The following SCD variants were observed in gnomAD, a reference collection of about 807,000 sequenced individuals.
SCD encodes stearoyl-CoA desaturase.
In SCD, 4 loss-of-function variants were observed where a neutral mutation model predicts 35.7. That is an observed-to-expected ratio of 0.11 (90% CI 0.06 to 0.26). The LOEUF (loss-of-function observed/expected upper bound fraction) is 0.26, where lower values mean the gene tolerates loss of function less well. Ranked by LOEUF, SCD falls within the 10% of genes least tolerant of loss-of-function variation. The probability of loss-of-function intolerance (pLI) is 1.00; values close to 1 mark genes in which losing one functional copy is unlikely to be tolerated. For synonymous variants in SCD, 150 were observed against 170.2 expected, an observed-to-expected ratio of 0.88 and a Z score of 0.92; for missense variants, 282 against 460.7, an observed-to-expected ratio of 0.61 and a Z score of 3.55.
intron 1 of SCD, among the ~76,000 whole-genome samples, chr10:100,347,800 G>C (rs1849815923): frequency 6.6e-6 from 1 of 152,124 alleles, no homozygotes; most frequent in South Asian, 2.1e-4. Flanking sequence ...GTGGGGATGT[G>C]AGTGCTTTAC....
chr10:100,358,118 G>C (rs1264309967), intron 5 of SCD, among the ~76,000 whole-genome samples: 1 of 152,130 alleles, frequency 6.6e-6, no homozygotes. Flanking sequence ...TCGGGGTTCA[G>C]CCTCCCAAGT....
At position 100,360,947 on chromosome 10, in the gene SCD, C is replaced by G; in HGVS notation, c.*14C>G. On this transcript the variant is annotated 3_prime_UTR_variant, in exon 6 of 6. Coordinates refer to ENST00000370355, the MANE Select transcript of SCD (RefSeq NM_005063.5). ...AAGAGTGGCTGAGTTTGGGGTCCCT[C>G]AGGTTCCTTTTTCAAAAACCAGCCA... The G allele has an allele frequency of 1.2e-6, 2 of 1,611,834 alleles. No individual in the cohort carries two copies. The highest frequency in any genetic ancestry group is 1.1e-5 in the South Asian group (1 of 90,944).
At chr10:100,348,023 C>T (rs747877971) in intron 1 of SCD, 41 bp from the exon 2 acceptor site, 5 of 1,594,416 alleles carry the variant, frequency 3.1e-6, no homozygotes, top group Middle Eastern at 1.7e-4. Flanking sequence ...GCTGCCTCCA[C>T]GTGTCTCTTC....
rs1194470986 is a variant in SCD at position 100,347,348 on chromosome 10, C to T, written c.-157C>T. ...CTTTAAATTCCCGGCTCGGGGACCT[C>T]CACGCACCGCGGCTAGCGCCGACAA... On this transcript the variant is annotated 5_prime_UTR_variant, in exon 1 of 6. Transcript: ENST00000370355. 6 of 803,152 alleles carry T rather than the reference C, an allele frequency of 7.5e-6. No homozygotes were observed. The Admixed American group carries it at 8.1e-5, about 11-fold the overall frequency. 49.8% of individuals were successfully genotyped at this position (803,152 alleles called of 1,614,324 possible). A position where few individuals can be genotyped will look rare whatever the true frequency, so the allele number is the denominator to read the frequency against.
chr10:100,349,563 A>G (rs1455116421), intron 2 of SCD, among the ~76,000 whole-genome samples: 1 of 152,220 alleles, frequency 6.6e-6, no homozygotes, highest in African/African-American at 2.4e-5. Context: ...TGTTTCCAGA[A>G]ATCCTCCAGG....
intron 2 of SCD, 136 bp downstream of exon 2, chr10:100,348,482 G>A: frequency 1.2e-6 from 1 of 857,418 alleles, no homozygotes; most frequent in Non-Finnish European, 1.8e-6. Flanking sequence ...CTCTTTGGTT[G>A]CTTCAGGCCT....
chr10:100,347,935 T>TAC (rs1849818748), intron 1 of SCD, 129 bp from the exon 2 acceptor site: 1 of 915,072 alleles, frequency 1.1e-6, no homozygotes, highest in Non-Finnish European at 1.7e-6. Flanking sequence ...CACCCTACCC[T>TAC]CAGTGAACTA....
At chr10:100,354,340 C>T (rs1159175174) in intron 3 of SCD, 87 bp from the exon 4 acceptor site, 11 of 1,210,030 alleles carry the variant, frequency 9.1e-6, no homozygotes, top group Admixed American at 1.7e-5. Context: ...GGGCTGAGCG[C>T]CTTGGGCTCT....
At chr10:100,349,001 C>T (rs1321061392) in intron 2 of SCD, among the ~76,000 whole-genome samples, 2 of 152,194 alleles carry the variant, frequency 1.3e-5, no homozygotes, top group African/African-American at 4.8e-5. Context: ...ACAAAATGCT[C>T]TTAGAATGAA....
At chr10:100,348,827 A>G (rs1052121444) in intron 2 of SCD, among the ~76,000 whole-genome samples, 1 of 152,162 alleles carries the variant, frequency 6.6e-6, no homozygotes, top group Non-Finnish European at 1.5e-5. Context: ...CATTGGAAAG[A>G]GAGGAAAAGA....
rs1849883752 is a variant in SCD at position 100,352,588 on chromosome 10, C to T, written c.441+92C>T. 2.4e-6 allele frequency: 3 copies of T among 1,225,552 alleles called. No homozygotes were observed. The highest frequency in any genetic ancestry group is 2.4e-5 in the East Asian group (1 of 42,476). The allele number at this position is 1,225,552 out of a possible 1,614,324, so 75.9% of individuals were successfully genotyped here. A position where few individuals can be genotyped will look rare whatever the true frequency, so the allele number is the denominator to read the frequency against. On this transcript the variant is annotated intron_variant, in intron 3 of 5. Coordinates refer to ENST00000370355, the MANE Select transcript of SCD (RefSeq NM_005063.5). This position sits in a 1 kb window ranked among gnomAD's most constrained non-coding sequence, Gnocchi z 4.2. ...GGATCAGCACCAGAGAGGAGCCACA[C>T]CTGACAGCCATTTCACTTTCCTCTC...
At chr10:100,349,134 G>C (rs181499924) in intron 2 of SCD, among the ~76,000 whole-genome samples, 30 of 152,184 alleles carry the variant, frequency 2.0e-4, no homozygotes, top group Non-Finnish European at 2.4e-4. Context: ...ATCCCTCCTT[G>C]CCAGGGACAT....
intron 2 of SCD, among the ~76,000 whole-genome samples, chr10:100,348,888 G>C (rs1010658681): frequency 6.6e-6 from 1 of 152,170 alleles, no homozygotes. Flanking sequence ...GCCAGACCAG[G>C]CTTCTTCGTT....
Position 100,364,368 on chromosome 10 carries a change from T to A in SCD, c.*3435T>A, listed in dbSNP as rs200928021. On this transcript the variant is annotated 3_prime_UTR_variant, in exon 6 of 6. Coordinates refer to ENST00000370355, the MANE Select transcript of SCD (RefSeq NM_005063.5). ...CTATAAGGTGCCTCAGTTTTCCTTC[T>A]GTTAAAATGGGGATAATAATACTGA... is the stretch of plus-strand genomic sequence containing the variant. The A allele has an allele frequency of 6.6e-6, 1 of 152,610 alleles. No individual in the cohort carries two copies. The highest frequency in any genetic ancestry group is 6.5e-5 in the Admixed American group (1 of 15,282). The allele number at this position is 152,610 out of a possible 1,614,324, so 9.5% of individuals were successfully genotyped here.
intron 5 of SCD, among the ~76,000 whole-genome samples, chr10:100,357,563 C>T (rs889849181): frequency 6.6e-6 from 1 of 152,178 alleles, no homozygotes; most frequent in Non-Finnish European, 1.5e-5. Context: ...TCAGGAATCT[C>T]CCAATAAAGC....
chr10:100,349,252 T>C (rs909330218), intron 2 of SCD, among the ~76,000 whole-genome samples: 1 of 152,256 alleles, frequency 6.6e-6, no homozygotes, highest in African/African-American at 2.4e-5. Flanking sequence ...CAGGGACCTG[T>C]TGGTGTGGCC....
chr10:100,347,576 G>C (rs779636432), intron 1 of SCD, 45 bp downstream of exon 1: 1 of 1,611,982 alleles, frequency 6.2e-7, no homozygotes, highest in South Asian at 1.1e-5. Context: ...CGCAGGCGCG[G>C]GCTGGGCTTC....
intron 2 of SCD, among the ~76,000 whole-genome samples, chr10:100,349,800 C>G (rs1157920404): frequency 6.6e-6 from 1 of 151,916 alleles, no homozygotes; most frequent in Non-Finnish European, 1.5e-5. Flanking sequence ...GTTGTCTAGC[C>G]CCTCTGAGGA....
At chr10:100,348,604 C>T (rs1207727010) in intron 2 of SCD, among the ~76,000 whole-genome samples, 2 of 151,688 alleles carry the variant, frequency 1.3e-5, no homozygotes, top group African/African-American at 4.9e-5. Flanking sequence ...GCTGGAGAGT[C>T]AGCTTTCCCT....
Sources: allele counts gnomAD v4.1 joint callset (sites outside exome capture counted in the v4.1 genomes callset), GRCh38; gene constraint gnomAD v4.1.1; non-coding constraint Gnocchi (gnomAD v3.1); transcripts MANE v1.5; gene names NCBI Gene and HGNC (gene_info 2026-07-23, HGNC 2026-07-21).